Variants in DNAH3 observed in about 807,000 individuals in gnomAD.
The protein encoded by DNAH3 is dynein axonemal heavy chain 3.
Under a neutral mutation model 432.5 loss-of-function variants are expected in DNAH3, and 332 were observed. The ratio of observed to expected loss-of-function variants is 0.77; its 90% CI spans 0.70 to 0.84. The LOEUF (loss-of-function observed/expected upper bound fraction) is 0.84, where lower values mean the gene tolerates loss of function less well. Among genes scored for constraint, DNAH3 ranks in the 40% least tolerant of loss-of-function variants. The pLI is 0.00. For synonymous variants in DNAH3, 1,956 were observed against 1,900.2 expected, an observed-to-expected ratio of 1.03 and a Z score of -0.76; for missense variants, 4,861 against 5,114.0, an observed-to-expected ratio of 0.95 and a Z score of 1.51.
exon 53 of DNAH3, chr16:20,964,109 C>T (rs372603277): frequency 5.0e-5 from 80 of 1,614,034 alleles, no homozygotes; most frequent in Middle Eastern, 1.6e-4. Context: ...ACTTTGATGG[C>T]GGTTTCATCC....
At position 20,970,863 on chromosome 16, in the gene DNAH3, CTTTTTTTT is replaced by C. The variant is rs869203073; in HGVS notation, c.8260-881_8260-874del. On this transcript the variant is annotated intron_variant, in intron 51 of 61. Coordinates refer to ENST00000261383, the Ensembl canonical transcript of DNAH3. ...ATGGATTTCTTTTCTTTTCTCTATT[CTTTTTTTT>C]TTTTTTTTTTTGAGACAGAGTCTCG... Among the ~76,000 whole-genome samples the C allele has an allele frequency of 9.0e-4, 112 of 124,058 alleles. 1 individual carries two copies. Among genetic ancestry groups the C allele is most frequent in the African/African-American group, 3.2e-3 (105 of 33,036 alleles). The allele number at this position is 124,058 out of a possible 152,430, so 81.4% of individuals were successfully genotyped here. A position where few individuals can be genotyped will look rare whatever the true frequency, so the allele number is the denominator to read the frequency against.
chr16:20,989,057 C>T (rs1423003419), intron 44 of DNAH3, among the ~76,000 whole-genome samples: 2 of 152,202 alleles, frequency 1.3e-5, no homozygotes, highest in Non-Finnish European at 2.9e-5. Context: ...GTAAGATTTA[C>T]TGCAAAGAGC....
chr16:21,051,991 T>TTTA, intron 28 of DNAH3, 123 bp from the exon 29 acceptor site: 3 of 737,030 alleles, frequency 4.1e-6, no homozygotes, highest in South Asian at 2.2e-5. Context: ...TTTATTTTAT[T>TTTA]TTATTTTATT....
intron 20 of DNAH3, among the ~76,000 whole-genome samples, chr16:21,075,914 CAAAAAA>C (rs34186982): frequency 1.5e-4 from 8 of 52,684 alleles, no homozygotes; most frequent in African/African-American, 6.5e-4. Flanking sequence ...AACCCTGTCT[CAAAAAA>C]AAAAAAAAAA....
intron 52 of DNAH3, among the ~76,000 whole-genome samples, chr16:20,967,801 C>T (rs150503214): frequency 5.4e-4 from 82 of 152,086 alleles, no homozygotes; most frequent in Non-Finnish European, 9.7e-4. Context: ...ACCCACCGCA[C>T]CTGGCCGACT....
chr16:21,107,500 A>C (rs951364467), intron 14 of DNAH3, among the ~76,000 whole-genome samples: 4 of 152,142 alleles, frequency 2.6e-5, no homozygotes, highest in Admixed American at 1.3e-4. Context: ...TTGGCCTCCT[A>C]AAGTGCTGGG....
chr16:21,039,805 G>T (rs570989492), intron 33 of DNAH3, 47 bp downstream of exon 33: 1 of 1,370,816 alleles, frequency 7.3e-7, no homozygotes, highest in Non-Finnish European at 1.0e-6. Context: ...GCAAAAAGCC[G>T]CTATTTAAAG....
At chr16:20,959,642 C>T (rs2084728557) in intron 53 of DNAH3, among the ~76,000 whole-genome samples, 2 of 150,722 alleles carry the variant, frequency 1.3e-5, no homozygotes, top group African/African-American at 4.9e-5. Context: ...CACACACACA[C>T]ACACACACAC....
In DNAH3 at chr16:21,120,721, G is replaced by A. The variant is rs186887706; in HGVS notation, c.1699+19C>T. ...TTCTTGGCATTGTAATTCATCAAATGTAGTACCGGCCCTGGTACCTGCCAT... is the reference window on the plus strand; with the variant it reads ...TTCTTGGCATTGTAATTCATCAAATATAGTACCGGCCCTGGTACCTGCCAT... On this transcript the variant is annotated intron_variant, in intron 11 of 61. Coordinates refer to ENST00000261383, the Ensembl canonical transcript of DNAH3. The A allele has an allele frequency of 4.6e-5, 72 of 1,567,484 alleles. No homozygotes were observed. The Middle Eastern group carries it at 1.5e-3, about 33-fold the overall frequency.
intron 41 of DNAH3, among the ~76,000 whole-genome samples, chr16:21,016,088 C>T (rs1347226907): frequency 6.6e-6 from 1 of 151,774 alleles, no homozygotes; most frequent in Non-Finnish European, 1.5e-5. Context: ...TGTGCCTGGC[C>T]GAGATATGAT....
chr16:21,127,757 G>C (rs755670943), exon 8 of DNAH3: 1 of 1,614,180 alleles, frequency 6.2e-7, no homozygotes, highest in Non-Finnish European at 8.5e-7. Context: ...TGAGGCTGCA[G>C]AGGCAATTTT....
At chr16:21,060,147 G>A (rs1013163654) in intron 26 of DNAH3, 117 bp downstream of exon 26, 7 of 774,100 alleles carry the variant, frequency 9.0e-6, no homozygotes, top group Non-Finnish European at 1.6e-5. Flanking sequence ...AGGTGCAGAG[G>A]GACAGGTTTT....
intron 41 of DNAH3, among the ~76,000 whole-genome samples, chr16:21,012,399 T>C (rs2087645506): frequency 6.6e-6 from 1 of 152,200 alleles, no homozygotes; most frequent in African/African-American, 2.4e-5. Context: ...ACTACCACTT[T>C]ATATATAATT....
intron 1 of DNAH3, among the ~76,000 whole-genome samples, chr16:21,149,164 C>A (rs544275043): frequency 2.7e-5 from 4 of 150,414 alleles, no homozygotes; most frequent in Non-Finnish European, 3.0e-5. Context: ...AGAAAGCAGA[C>A]GCTTCAGTGA....
At chr16:21,104,675 A>G in intron 15 of DNAH3, 81 bp from the exon 16 acceptor site, 2 of 802,870 alleles carry the variant, frequency 2.5e-6, no homozygotes. Flanking sequence ...TAGACAGAAC[A>G]AGAGGTCAAC....
At chr16:20,935,326 G>A (rs1163713663) in intron 61 of DNAH3, 22 bp downstream of exon 61, 6 of 1,613,738 alleles carry the variant, frequency 3.7e-6, no homozygotes, top group Non-Finnish European at 5.1e-6. Context: ...CCTTGAGTGA[G>A]CCTAACCCAA....
At chr16:21,096,134 A>AT (rs11286672) in intron 18 of DNAH3, among the ~76,000 whole-genome samples, 2,623 of 140,008 alleles carry the variant, frequency 0.019, 34 homozygotes, top group South Asian at 0.031. Context: ...AGGGTCTCTG[A>AT]TTTTTTTTTT....
At chr16:21,112,209 C>A (rs2092092983) in intron 12 of DNAH3, 111 bp from the exon 13 acceptor site, 5 of 720,608 alleles carry the variant, frequency 6.9e-6, no homozygotes, top group Non-Finnish European at 9.1e-6. Context: ...GTAGCCCAAG[C>A]CAGGAAAGAG....
chr16:20,950,023 C>T (rs1288694532), intron 56 of DNAH3, among the ~76,000 whole-genome samples: 1 of 152,144 alleles, frequency 6.6e-6, no homozygotes, highest in East Asian at 1.9e-4. Flanking sequence ...ATTATTATTA[C>T]TAGTTTTAGA....
Sources: allele counts gnomAD v4.1 joint callset (sites outside exome capture counted in the v4.1 genomes callset), GRCh38; gene constraint gnomAD v4.1.1; transcripts MANE v1.5; gene names NCBI Gene and HGNC (gene_info 2026-07-23, HGNC 2026-07-21).